The following PDZRN4 variants were observed in gnomAD, a reference collection of about 807,000 sequenced individuals.
The protein encoded by PDZRN4 is PDZ domain containing ring finger 4, also known as PDZ domain-containing RING finger protein 4.
In PDZRN4, 70 loss-of-function variants were observed where a neutral mutation model predicts 99.0. The observed-to-expected ratio is 0.71, with a 90% CI of 0.58 to 0.86. The LOEUF is 0.86. Among genes scored for constraint, PDZRN4 ranks in the 40% least tolerant of loss-of-function variants. PDZRN4 has a pLI of 0.00. For synonymous variants in PDZRN4, 551 were observed against 501.6 expected, an observed-to-expected ratio of 1.10 and a Z score of -1.32; for missense variants, 1,474 against 1,331.2, an observed-to-expected ratio of 1.11 and a Z score of -1.67.
chr12:41,427,554 G>A (rs934653048), intron 3 of PDZRN4, among the ~76,000 whole-genome samples: 5 of 152,014 alleles, frequency 3.3e-5, no homozygotes, highest in Admixed American at 1.3e-4. Flanking sequence ...ACAAGCATCC[G>A]AATACATGCT....
chr12:41,225,104 AG>A (rs1405946881), intron 3 of PDZRN4, among the ~76,000 whole-genome samples: 2 of 152,196 alleles, frequency 1.3e-5, no homozygotes, highest in Admixed American at 1.3e-4. Flanking sequence ...TGCTATACTG[AG>A]AAAAATATAA....
chr12:41,324,319 G>A (rs1199797010), intron 3 of PDZRN4, among the ~76,000 whole-genome samples: 1 of 151,942 alleles, frequency 6.6e-6, no homozygotes, highest in Non-Finnish European at 1.5e-5. Flanking sequence ...TGAAGATTAG[G>A]CCATACTTTA....
At chr12:41,284,359 G>A (rs1433540173) in intron 3 of PDZRN4, among the ~76,000 whole-genome samples, 1 of 152,056 alleles carries the variant, frequency 6.6e-6, no homozygotes, top group Non-Finnish European at 1.5e-5. Context: ...AAATAAAAGA[G>A]GACACAAGCA....
chr12:41,252,501 C>T (rs1482571374), intron 3 of PDZRN4, among the ~76,000 whole-genome samples: 1 of 152,034 alleles, frequency 6.6e-6, no homozygotes, highest in Non-Finnish European at 1.5e-5. Context: ...TAATCCCAGC[C>T]CTTTGGGAGG....
intron 3 of PDZRN4, among the ~76,000 whole-genome samples, chr12:41,220,626 C>A (rs1950948975): frequency 6.6e-6 from 1 of 152,046 alleles, no homozygotes; most frequent in Admixed American, 6.6e-5. Flanking sequence ...CAGAAGCTGA[C>A]TTGGATAGTG....
chr12:41,543,173 C>G (rs1938889286), intron 5 of PDZRN4, among the ~76,000 whole-genome samples: 1 of 152,172 alleles, frequency 6.6e-6, no homozygotes, highest in Non-Finnish European at 1.5e-5. Context: ...CTCATCTTGC[C>G]TCTTGATTCA....
chr12:41,491,170 T>A lies in PDZRN4; in HGVS notation c.844-15286T>A, dbSNP rs147797391. 3.0e-4 allele frequency among the ~76,000 whole-genome samples: 45 copies of A among 152,258 alleles called. No individual in the cohort carries two copies. The Middle Eastern group carries it at 0.014, about 46-fold the overall frequency. The stretch of plus-strand genomic sequence containing the variant: ...AGTCCTCAGAGAAAGTTGTCTAAAC[T>A]GTCAGTCGAGTCCAATTAGTAAGTG... On this transcript the variant is annotated intron_variant, in intron 3 of 9. Coordinates refer to ENST00000402685, the MANE Select transcript of PDZRN4 (RefSeq NM_001164595.2).
intron 3 of PDZRN4, among the ~76,000 whole-genome samples, chr12:41,392,443 G>T (rs1952216510): frequency 6.6e-6 from 1 of 151,944 alleles, no homozygotes; most frequent in South Asian, 2.1e-4. Flanking sequence ...TAAAAGTCTG[G>T]CTGTATTTCA....
intron 3 of PDZRN4, among the ~76,000 whole-genome samples, chr12:41,233,900 T>C (rs970677713): frequency 2.6e-5 from 4 of 151,948 alleles, no homozygotes; most frequent in African/African-American, 9.7e-5. Context: ...GTAACAAGCC[T>C]GCATGTTGTG....
At chr12:41,414,305 G>T (rs915788643) in intron 3 of PDZRN4, among the ~76,000 whole-genome samples, 4 of 151,962 alleles carry the variant, frequency 2.6e-5, no homozygotes, top group Non-Finnish European at 1.5e-5. Flanking sequence ...TGCTCATTTT[G>T]TATAGTATTT....
chr12:41,239,815 G>C (rs1951091347), intron 3 of PDZRN4, among the ~76,000 whole-genome samples: 1 of 152,172 alleles, frequency 6.6e-6, no homozygotes, highest in African/African-American at 2.4e-5. Flanking sequence ...TGTAATGTAG[G>C]ATTTTGAAGA....
chr12:41,301,986 A>T (rs1194862548), intron 3 of PDZRN4, among the ~76,000 whole-genome samples: 1 of 152,140 alleles, frequency 6.6e-6, no homozygotes, highest in Non-Finnish European at 1.5e-5. Flanking sequence ...TCCCAAGTCC[A>T]TAATATAGTA....
intron 3 of PDZRN4, among the ~76,000 whole-genome samples, chr12:41,285,330 G>T (rs1040223978): frequency 9.2e-5 from 14 of 152,112 alleles, no homozygotes; most frequent in African/African-American, 3.4e-4. Flanking sequence ...AGTTAGAATG[G>T]CAGTCATTAA....
At chr12:41,252,842 AT>A (rs992243179) in intron 3 of PDZRN4, among the ~76,000 whole-genome samples, 8 of 152,214 alleles carry the variant, frequency 5.3e-5, no homozygotes, top group African/African-American at 1.9e-4. Context: ...ATTAGGAAAT[AT>A]TTTGAGGTGC....
intron 3 of PDZRN4, among the ~76,000 whole-genome samples, chr12:41,351,081 A>C (rs1451585421): frequency 6.6e-6 from 1 of 152,152 alleles, no homozygotes; most frequent in South Asian, 2.1e-4. Flanking sequence ...TGGTTGTTAG[A>C]AGCATCTTAA....
At chr12:41,513,681 C>G (rs1938346892) in intron 5 of PDZRN4, among the ~76,000 whole-genome samples, 1 of 152,034 alleles carries the variant, frequency 6.6e-6, no homozygotes, top group African/African-American at 2.4e-5. Flanking sequence ...TCATAAATAG[C>G]CCTTAGCAAG....
At chr12:41,542,809 A>G (rs1013057115) in intron 5 of PDZRN4, among the ~76,000 whole-genome samples, 2 of 152,212 alleles carry the variant, frequency 1.3e-5, no homozygotes, top group African/African-American at 4.8e-5. Flanking sequence ...AGTAAATCAT[A>G]ATTATGTTTT....
Position 41,191,465 on chromosome 12 carries a change from A to T in PDZRN4, c.656A>T (p.Glu219Val). Residue 219 changes from glutamate (E) to valine (V), a missense_variant, in exon 2 of 10, where the codon GAG (glutamate) becomes GTG (valine). By Grantham distance (121) the Glu-to-Val change is moderately radical. Coordinates refer to ENST00000402685, the MANE Select transcript of PDZRN4 (RefSeq NM_001164595.2). ...TTATACATTTTTTTCTAGGATGGAGAGCATAAGCCATTCACTATTGTGTTA... is the reference window on the plus strand; with the variant it reads ...TTATACATTTTTTTCTAGGATGGAGTGCATAAGCCATTCACTATTGTGTTA... ...DLGGGHRRDGEHKPFTIVLER... is the reference protein window; with the variant it reads ...DLGGGHRRDGVHKPFTIVLER... The T allele has an allele frequency of 6.6e-7, 1 of 1,513,896 alleles. No individual in the cohort carries two copies. The highest frequency in any genetic ancestry group is 2.3e-5 in the East Asian group (1 of 44,162). 93.8% of individuals were successfully genotyped at this position (1,513,896 alleles called of 1,614,324 possible).
intron 1 of PDZRN4, among the ~76,000 whole-genome samples, chr12:41,190,955 G>A (rs1283760861): frequency 6.6e-6 from 1 of 152,120 alleles, no homozygotes; most frequent in Admixed American, 6.5e-5. Flanking sequence ...GACTACAGTA[G>A]CCTAACAGAT....
Sources: gnomAD v4.1 joint callset for allele counts (sites outside exome capture counted in the v4.1 genomes callset) on GRCh38, gnomAD v4.1.1 for gene constraint, MANE v1.5 for transcripts, NCBI Gene and HGNC (gene_info 2026-07-23, HGNC 2026-07-21) for gene names.